PRSS23: variants seen among roughly 807,000 people sequenced by gnomAD.
The protein encoded by PRSS23 is serine protease 23.
In PRSS23, 25 loss-of-function variants were observed where a neutral mutation model predicts 34.7. That is an observed-to-expected ratio of 0.72 (90% CI 0.53 to 1.01). The LOEUF is 1.01. Ranked by LOEUF, PRSS23 falls within the 50% of genes least tolerant of loss-of-function variation. The pLI is 0.00. For missense variants in PRSS23, 445 were observed against 475.6 expected, an observed-to-expected ratio of 0.94 and a Z score of 0.60; for synonymous variants, 176 against 186.6, an observed-to-expected ratio of 0.94 and a Z score of 0.46.
chr11:86,867,986 C>T (rs760333189), intron 2 of PRSS23, among the ~76,000 whole-genome samples: 1 of 152,110 alleles, frequency 6.6e-6, no homozygotes, highest in Non-Finnish European at 1.5e-5. Context: ...AGGCTACTCG[C>T]CTCGGCCCCT....
Position 86,808,364 on chromosome 11 carries a change from A to T in PRSS23, c.721A>T (p.Ile241Phe), listed in dbSNP as rs377204829. ...TTGGATCAAGGGCAATGCCAATGAC[A>T]TCGGCATGGATTATGATTATGCCCT... ...KGWIKGNANDIGMDYDYALLE... is the reference protein window; with the variant it reads ...KGWIKGNANDFGMDYDYALLE... The change falls in exon 2 of 2, where the codon ATC (isoleucine) becomes TTC (phenylalanine). Residue 241 changes from isoleucine to phenylalanine, a missense_variant. Coordinates refer to ENST00000280258, the MANE Select transcript of PRSS23 (RefSeq NM_007173.6). The T allele has an allele frequency of 6.2e-7, 1 of 1,614,220 alleles. No homozygotes were observed. Among genetic ancestry groups the T allele is most frequent in the East Asian group, 2.2e-5 (1 of 44,888 alleles).
intron 2 of PRSS23, among the ~76,000 whole-genome samples, chr11:86,916,295 T>C (rs1277895449): frequency 6.6e-6 from 1 of 152,214 alleles, no homozygotes; most frequent in Non-Finnish European, 1.5e-5. Context: ...AGAATTGCTT[T>C]TATAAGAATA....
In PRSS23 at chr11:86,952,299, C is replaced by T. The variant is rs118039628; in HGVS notation, c.*1014C>T. 6.6e-5 allele frequency: 106 copies of T among 1,614,122 alleles called. No homozygotes were observed. Among genetic ancestry groups the T allele is most frequent in the Admixed American group, 8.3e-5 (5 of 60,018 alleles). ...CCTTCCATGCACATGTGGTTGTGGT[C>T]GTTCTGTGGTGGGAATTTGCTGCAG... On this transcript the variant is annotated 3_prime_UTR_variant, in exon 3 of 3. Coordinates refer to the PRSS23 transcript ENST00000533902.
At chr11:86,853,339 C>T (rs998586986) in intron 2 of PRSS23, among the ~76,000 whole-genome samples, 1 of 147,400 alleles carries the variant, frequency 6.8e-6, no homozygotes, top group Non-Finnish European at 1.5e-5. Context: ...ACCGCAACCT[C>T]CGCCTCCCAG....
chr11:86,838,530 C>T (rs548534974), intron 2 of PRSS23, among the ~76,000 whole-genome samples: 6 of 152,224 alleles, frequency 3.9e-5, no homozygotes, highest in African/African-American at 1.2e-4. Context: ...CTAGATTTCA[C>T]TTCTGGGGGC....
At chr11:86,935,087 A>T (rs1555083538) in intron 2 of PRSS23, 1 of 152,270 alleles carries the variant, frequency 6.6e-6, no homozygotes, top group Non-Finnish European at 1.5e-5. Context: ...GCTCCAAGGG[A>T]TGGGTCCACA....
intron 2 of PRSS23, among the ~76,000 whole-genome samples, chr11:86,896,697 T>G (rs981551529): frequency 2.6e-5 from 4 of 152,258 alleles, no homozygotes; most frequent in African/African-American, 9.6e-5. Flanking sequence ...AAGTGATTCC[T>G]ACTCAGACTA....
At chr11:86,843,873 A>G (rs1948466744) in intron 2 of PRSS23, among the ~76,000 whole-genome samples, 1 of 152,238 alleles carries the variant, frequency 6.6e-6, no homozygotes, top group African/African-American at 2.4e-5. Context: ...TCAAGTATCT[A>G]GAACTAGAAA....
chr11:86,846,914 G>T (rs1948490444), intron 2 of PRSS23, among the ~76,000 whole-genome samples: 1 of 152,198 alleles, frequency 6.6e-6, no homozygotes, highest in African/African-American at 2.4e-5. Flanking sequence ...TTTTCATGTG[G>T]ATAGTAGAAG....
chr11:86,798,718 A>G (rs554884206), upstream of PRSS23, among the ~76,000 whole-genome samples: 28 of 152,340 alleles, frequency 1.8e-4, no homozygotes, highest in Admixed American at 1.1e-3. Context: ...GTTTTGAGAC[A>G]GGGTCTTGGT....
intron 2 of PRSS23, among the ~76,000 whole-genome samples, chr11:86,896,999 G>A (rs1948881317): frequency 6.6e-6 from 1 of 152,174 alleles, no homozygotes; most frequent in Non-Finnish European, 1.5e-5. Context: ...CAAACCAGCT[G>A]AAATAAGAAC....
intron 2 of PRSS23, among the ~76,000 whole-genome samples, chr11:86,879,102 A>T (rs28492892): frequency 5.5e-5 from 5 of 90,742 alleles, no homozygotes; most frequent in East Asian, 6.9e-4. Flanking sequence ...AGTGAGGAGC[A>T]CCTCTTCCCG....
chr11:86,910,856 G>T (rs968483493), intron 2 of PRSS23: 2 of 152,052 alleles, frequency 1.3e-5, no homozygotes, highest in Non-Finnish European at 2.9e-5. Flanking sequence ...TGGGAGAAAG[G>T]TTTTTGGTTT....
chr11:86,905,734 G>A (rs190904285), intron 2 of PRSS23, among the ~76,000 whole-genome samples: 1 of 152,264 alleles, frequency 6.6e-6, no homozygotes, highest in East Asian at 1.9e-4. Flanking sequence ...TTAATAGAAG[G>A]CAGGAATAGA....
chr11:86,951,465 C>G, exon 3 of PRSS23: 2 of 1,614,100 alleles, frequency 1.2e-6, no homozygotes, highest in South Asian at 2.2e-5. Context: ...ATCAGTCTTT[C>G]TAACTTGTCT....
At chr11:86,835,388 G>A (rs1400195407) in intron 2 of PRSS23, among the ~76,000 whole-genome samples, 1 of 152,196 alleles carries the variant, frequency 6.6e-6, no homozygotes, top group Non-Finnish European at 1.5e-5. Flanking sequence ...ACCTGTGTAA[G>A]GACTCCTAGA....
At chr11:86,799,483 C>T (rs1320788684), upstream of PRSS23, among the ~76,000 whole-genome samples, 1 of 152,078 alleles carries the variant, frequency 6.6e-6, no homozygotes, top group Non-Finnish European at 1.5e-5. Flanking sequence ...TGATTTTGGG[C>T]AAGTCATAAA....
chr11:86,879,477 CGCCCCGTCCGGG>C (rs1948753555), intron 2 of PRSS23, among the ~76,000 whole-genome samples: 1 of 127,902 alleles, frequency 7.8e-6, no homozygotes, highest in Non-Finnish European at 1.7e-5. Context: ...CCAGGCCAGC[CGCCCCGTCCGGG>C]AGGGAGGTGG....
chr11:86,941,332 T>C (rs1308309904), intron 2 of PRSS23, among the ~76,000 whole-genome samples: 4 of 152,192 alleles, frequency 2.6e-5, no homozygotes, highest in African/African-American at 7.2e-5. Context: ...ACTAGTAGCA[T>C]TGATCCTTTG....
Sources: gnomAD v4.1 joint callset for allele counts (sites outside exome capture counted in the v4.1 genomes callset) on GRCh38, gnomAD v4.1.1 for gene constraint, MANE v1.5 for transcripts, NCBI Gene and HGNC (gene_info 2026-07-23, HGNC 2026-07-21) for gene names.